Variants in EFCAB14 observed in about 807,000 individuals in gnomAD.
EFCAB14 encodes the protein EF-hand calcium-binding domain-containing protein 14.
A neutral mutation model predicts 56.5 loss-of-function variants in EFCAB14; 43 were observed. The observed-to-expected ratio is 0.76, with a 90% CI of 0.60 to 0.98. The LOEUF is 0.98. Among genes scored for constraint, EFCAB14 ranks in the 50% least tolerant of loss-of-function variants. EFCAB14 has a pLI of 0.00. For synonymous variants in EFCAB14, 235 were observed against 212.9 expected, an observed-to-expected ratio of 1.10 and a Z score of -0.90; for missense variants, 538 against 580.3, an observed-to-expected ratio of 0.93 and a Z score of 0.75.
In EFCAB14 at chr1:46,715,009, A is replaced by C. The variant is rs574094320; in HGVS notation, c.334+1286T>G. On this transcript the variant is annotated intron_variant, in intron 2 of 10. Transcript: ENST00000371933. ...TAAGCCCTTCACGAGTATGTAACTTAGTTCAAGTTTCCTAAAACTTTAAAA... is the reference window on the plus strand; with the variant it reads ...TAAGCCCTTCACGAGTATGTAACTTCGTTCAAGTTTCCTAAAACTTTAAAA... Among the ~76,000 whole-genome samples the C allele has an allele frequency of 5.3e-5, 8 of 152,330 alleles. No individual in the cohort carries two copies. The East Asian group carries it at 1.3e-3, about 26-fold the overall frequency.
intron 1 of EFCAB14, among the ~76,000 whole-genome samples, chr1:46,717,468 T>A (rs1677415658): frequency 6.6e-6 from 1 of 152,134 alleles, no homozygotes; most frequent in Non-Finnish European, 1.5e-5. Flanking sequence ...CTACAGTATA[T>A]CTCTCACCAT....
chr1:46,695,818 T>C (rs1003355802), intron 4 of EFCAB14, among the ~76,000 whole-genome samples: 2 of 152,168 alleles, frequency 1.3e-5, no homozygotes, highest in Non-Finnish European at 2.9e-5. Flanking sequence ...TAGCTGGGAC[T>C]ACAGTTGTGT....
chr1:46,696,107 CTTTTTT>C (rs576354908), intron 4 of EFCAB14, among the ~76,000 whole-genome samples: 1 of 139,368 alleles, frequency 7.2e-6, no homozygotes, highest in Non-Finnish European at 1.6e-5. Flanking sequence ...CCCAGGTCAT[CTTTTTT>C]TTTTTTTTTT....
chr1:46,690,380 G>A (rs1486861184), intron 5 of EFCAB14, among the ~76,000 whole-genome samples: 1 of 152,138 alleles, frequency 6.6e-6, no homozygotes, highest in Non-Finnish European at 1.5e-5. Context: ...ACAGTAGGAG[G>A]ATTACCATTG....
At chr1:46,694,754 T>C (rs970094244) in intron 4 of EFCAB14, among the ~76,000 whole-genome samples, 2 of 152,202 alleles carry the variant, frequency 1.3e-5, no homozygotes, top group African/African-American at 4.8e-5. Flanking sequence ...TTATAAATCA[T>C]GTTGCTATAA....
intron 3 of EFCAB14, among the ~76,000 whole-genome samples, chr1:46,705,325 G>A (rs577162480): frequency 2.4e-4 from 36 of 152,358 alleles, no homozygotes; most frequent in African/African-American, 5.0e-4. Flanking sequence ...GAAATGGAAA[G>A]GGTTTCACTG....
At position 46,684,530 on chromosome 1, in the gene EFCAB14, T is replaced by G; in HGVS notation, c.1147A>C (p.Lys383Gln). The change falls in exon 9 of 11, where the codon AAA (lysine) becomes CAA (glutamine). Residue 383 changes from lysine (K) to glutamine (Q), a missense_variant. By Grantham distance (53) the Lys-to-Gln change is moderately conservative. Coordinates refer to ENST00000371933, the MANE Select transcript of EFCAB14 (RefSeq NM_014774.3). Reference sequence around the variant, plus strand: ...TCTGGAGGCCTGTTGCTCTCAGGTTTGTTTGTAAGAGCACTGATCAGCTGG... The same window carrying G: ...TCTGGAGGCCTGTTGCTCTCAGGTTGGTTTGTAAGAGCACTGATCAGCTGG... ...KLQLISALTN[K>Q]PESNRPPETA... is the part of the protein sequence containing the mutation. 1 of 1,614,166 alleles carries G rather than the reference T, an allele frequency of 6.2e-7. No homozygotes were observed. Among genetic ancestry groups the G allele is most frequent in the Non-Finnish European group, 8.5e-7 (1 of 1,180,000 alleles).
intron 7 of EFCAB14, 78 bp downstream of exon 7, chr1:46,688,275 G>C (rs1676921111): frequency 2.9e-6 from 4 of 1,397,708 alleles, no homozygotes. Flanking sequence ...CCAGAAGGCT[G>C]TTCTCAAAAG....
intron 3 of EFCAB14, among the ~76,000 whole-genome samples, chr1:46,700,861 C>T (rs1247738002): frequency 6.6e-6 from 1 of 151,856 alleles, no homozygotes; most frequent in Non-Finnish European, 1.5e-5. Flanking sequence ...GCATGTTAAC[C>T]CATAGGCTAA....
chr1:46,698,898 T>C (rs1677112795), intron 3 of EFCAB14, among the ~76,000 whole-genome samples: 2 of 152,180 alleles, frequency 1.3e-5, no homozygotes, highest in African/African-American at 4.8e-5. Flanking sequence ...AAGACTACTA[T>C]GGCTGTCAGT....
rs554598502 is a variant in EFCAB14 at position 46,697,427 on chromosome 1, G to A, written c.481-778C>T. ...CCTGTGTAATAGTCAGTTTCAGGCT[G>A]CAGAGACAATATTCTAAAAGCTTTG... On this transcript the variant is annotated intron_variant, in intron 3 of 10. Transcript: ENST00000371933. Among the ~76,000 whole-genome samples, 6 of 152,326 alleles carry A rather than the reference G, an allele frequency of 3.9e-5. No individual in the cohort carries two copies. The East Asian group carries it at 7.7e-4, about 20-fold the overall frequency.
At chr1:46,712,883 T>C (rs1348489259) in intron 2 of EFCAB14, among the ~76,000 whole-genome samples, 8 of 151,774 alleles carry the variant, frequency 5.3e-5, no homozygotes, top group Non-Finnish European at 7.4e-5. Flanking sequence ...TGTGGTGGCA[T>C]GCGCCTGTAA....
At chr1:46,712,842 T>C (rs1473586853) in intron 2 of EFCAB14, among the ~76,000 whole-genome samples, 4 of 126,658 alleles carry the variant, frequency 3.2e-5, no homozygotes, top group Non-Finnish European at 6.4e-5. Flanking sequence ...ACCCTGTCTC[T>C]ACTAAAAAAA....
Position 46,678,382 on chromosome 1 carries a change from C to G in EFCAB14, c.*79G>C, listed in dbSNP as rs1676729657. 1.3e-6 allele frequency: 2 copies of G among 1,511,144 alleles called. No homozygotes were observed. Among genetic ancestry groups the G allele is most frequent in the Admixed American group, 1.8e-5 (1 of 57,138 alleles). The allele number at this position is 1,511,144 out of a possible 1,614,324, so 93.6% of individuals were successfully genotyped here. A position where few individuals can be genotyped will look rare whatever the true frequency, so the allele number is the denominator to read the frequency against. ...TACAGTAGTTTGGAGGACTAGAGGACTGATGGGTAAGTAAGGGTTGTTTTG... is the reference window on the plus strand; with the variant it reads ...TACAGTAGTTTGGAGGACTAGAGGAGTGATGGGTAAGTAAGGGTTGTTTTG... On this transcript the variant is annotated 3_prime_UTR_variant, in exon 11 of 11. Coordinates refer to ENST00000371933, the MANE Select transcript of EFCAB14 (RefSeq NM_014774.3).
rs1207425613 is a variant in EFCAB14 at position 46,676,779 on chromosome 1, T to C, written c.*1682A>G. On this transcript the variant is annotated 3_prime_UTR_variant, in exon 11 of 11. Transcript: ENST00000371933. ...ATAATGAGATAAGGGGACACATTCATGGGAAAAGACTTCATCTTGCTTTAA... is the reference window on the plus strand; with the variant it reads ...ATAATGAGATAAGGGGACACATTCACGGGAAAAGACTTCATCTTGCTTTAA... 7 of 152,496 alleles carry C rather than the reference T, an allele frequency of 4.6e-5. No individual in the cohort carries two copies. The highest frequency in any genetic ancestry group is 2.1e-4 in the South Asian group (1 of 4,814). The allele number at this position is 152,496 out of a possible 1,614,324, so 9.4% of individuals were successfully genotyped here.
At chr1:46,686,741 G>A in intron 8 of EFCAB14, 43 bp downstream of exon 8, 21 of 1,576,722 alleles carry the variant, frequency 1.3e-5, no homozygotes, top group Non-Finnish European at 1.8e-5. Flanking sequence ...CAGAGATGCT[G>A]CTGCATTTAC....
At chr1:46,680,126 T>G (rs1305386256) in intron 10 of EFCAB14, among the ~76,000 whole-genome samples, 1 of 152,176 alleles carries the variant, frequency 6.6e-6, no homozygotes, top group Non-Finnish European at 1.5e-5. Context: ...GAATGTAACA[T>G]GGTACAGCCA....
chr1:46,677,473 C>T lies in EFCAB14; in HGVS notation c.*988G>A, dbSNP rs1396591914. ...TCAAAATTAGAAGCACAGCTCTCTTCTAAAGCTCTGGGTGGTCAGTGTGAG... is the reference window on the plus strand; with the variant it reads ...TCAAAATTAGAAGCACAGCTCTCTTTTAAAGCTCTGGGTGGTCAGTGTGAG... On this transcript the variant is annotated 3_prime_UTR_variant, in exon 11 of 11. Coordinates refer to ENST00000371933, the MANE Select transcript of EFCAB14 (RefSeq NM_014774.3). The T allele has an allele frequency of 1.3e-5, 2 of 152,132 alleles. No homozygotes were observed. The highest frequency in any genetic ancestry group is 2.4e-5 in the African/African-American group (1 of 41,436). 9.4% of individuals were successfully genotyped at this position (152,132 alleles called of 1,614,324 possible). A position where few individuals can be genotyped will look rare whatever the true frequency, so the allele number is the denominator to read the frequency against.
intron 3 of EFCAB14, among the ~76,000 whole-genome samples, chr1:46,699,500 T>G (rs551924790): frequency 6.6e-6 from 1 of 152,318 alleles, no homozygotes; most frequent in East Asian, 1.9e-4. Flanking sequence ...ATACAAAGAC[T>G]GGCATTTGTT....
Sources: gnomAD v4.1 joint callset for allele counts (sites outside exome capture counted in the v4.1 genomes callset) on GRCh38, gnomAD v4.1.1 for gene constraint, MANE v1.5 for transcripts, NCBI Gene and HGNC (gene_info 2026-07-23, HGNC 2026-07-21) for gene names.